Variants in KIF3B observed in about 807,000 individuals in gnomAD.
The protein encoded by KIF3B is kinesin family member 3B.
A neutral mutation model predicts 74.3 loss-of-function variants in KIF3B; 38 were observed. That is an observed-to-expected ratio of 0.51 (90% CI 0.39 to 0.67). The LOEUF (loss-of-function observed/expected upper bound fraction) is 0.67, where lower values mean the gene tolerates loss of function less well. Among genes scored for constraint, KIF3B ranks in the 30% least tolerant of loss-of-function variants. The probability of loss-of-function intolerance (pLI) is 0.00; values close to 1 mark genes in which losing one functional copy is unlikely to be tolerated. For synonymous variants in KIF3B, 326 were observed against 342.5 expected (o/e 0.95, Z 0.53); for missense variants, 649 against 932.0 (o/e 0.70, Z 3.95).
chr20:32,310,590 C>T lies in KIF3B; in HGVS notation c.813C>T (p.Ser271=). 6.2e-7 allele frequency: 1 copy of T among 1,614,158 alleles called. No homozygotes were observed. The highest frequency in any genetic ancestry group is 8.5e-7 in the Non-Finnish European group (1 of 1,180,036). The change falls in exon 2 of 9, where the codon TCC becomes TCT. Residue 271 remains serine (S), a synonymous_variant. Coordinates refer to ENST00000375712, the MANE Select transcript of KIF3B (RefSeq NM_004798.4). The surrounding 1 kb of genome is among the most constrained non-coding windows in gnomAD (Gnocchi z 6.5). ...RLKEATKINL[S]LSALGNVISA... ...AAGAAGCTACCAAGATCAACCTCTC[C>T]CTTTCCGCTTTGGGTAATGTCATCT...
chr20:32,325,639 A>ATC (rs770551783), intron 5 of KIF3B, among the ~76,000 whole-genome samples: 48 of 105,144 alleles, frequency 4.6e-4, no homozygotes, highest in South Asian at 1.1e-3. Context: ...TTTCATTATT[A>ATC]TCTCTCTCTC....
intron 7 of KIF3B, among the ~76,000 whole-genome samples, chr20:32,328,521 G>T (rs527995547): frequency 1.3e-5 from 2 of 151,842 alleles, no homozygotes; most frequent in African/African-American, 4.8e-5. Flanking sequence ...CAGGAGAATC[G>T]CTTGAACCCA....
chr20:32,317,613 TTA>T (rs147464782), intron 5 of KIF3B, among the ~76,000 whole-genome samples: 30 of 148,434 alleles, frequency 2.0e-4, no homozygotes, highest in Admixed American at 2.7e-4. Flanking sequence ...TCCTACATAC[TTA>T]TATATATATA....
intron 7 of KIF3B, among the ~76,000 whole-genome samples, chr20:32,329,587 C>T (rs2047920578): frequency 6.6e-6 from 1 of 152,094 alleles, no homozygotes; most frequent in Non-Finnish European, 1.5e-5. Context: ...TGCATTCAGT[C>T]CTGTTGCTTA....
At chr20:32,285,771 C>A (rs1426513127) in intron 1 of KIF3B, among the ~76,000 whole-genome samples, 1 of 152,204 alleles carries the variant, frequency 6.6e-6, no homozygotes, top group African/African-American at 2.4e-5. Flanking sequence ...TTGGTGACTT[C>A]ATACTGAGCT....
intron 1 of KIF3B, among the ~76,000 whole-genome samples, chr20:32,304,555 C>T (rs1290330346): frequency 2.0e-5 from 3 of 152,120 alleles, no homozygotes. Flanking sequence ...GCAGCAGTGA[C>T]ATAAATTATG....
chr20:32,316,770 T>G lies in KIF3B; in HGVS notation c.1644T>G (p.Leu548=). ...CCTCATTCCAGCTCTTCTCCAAGCT[T>G]CAGGCAGTGAAGGCTGAGATCCATG... The part of the protein sequence containing the change: ...TKKLKKLFSK[L]QAVKAEIHDL... Residue 548 remains leucine (L), a synonymous_variant, in exon 5 of 9, where the codon CTT becomes CTG. Coordinates refer to ENST00000375712, the MANE Select transcript of KIF3B (RefSeq NM_004798.4). The G allele has an allele frequency of 6.2e-7, 1 of 1,613,994 alleles. No individual in the cohort carries two copies. Among genetic ancestry groups the G allele is most frequent in the Non-Finnish European group, 8.5e-7 (1 of 1,179,958 alleles).
rs2047829699 is a variant in KIF3B, at chr20:32,316,762, T to A, written c.1636T>A (p.Ser546Thr). 6.2e-7 allele frequency: 1 copy of A among 1,613,854 alleles called. No individual in the cohort carries two copies. The highest frequency in any genetic ancestry group is 8.5e-7 in the Non-Finnish European group (1 of 1,179,920). Residue 546 changes from serine (S) to threonine (T), a missense_variant, in exon 5 of 9, where the codon TCC (serine) becomes ACC (threonine). This residue lies in a region of KIF3B where 363 missense variants were observed against 592.8 expected (regional missense o/e 0.61). Transcript: ENST00000375712. ...IKTKKLKKLF[S>T]KLQAVKAEIH... ...GCCTCTCCCCTCATTCCAGCTCTTCTCCAAGCTTCAGGCAGTGAAGGCTGA... is the reference window on the plus strand; with the variant it reads ...GCCTCTCCCCTCATTCCAGCTCTTCACCAAGCTTCAGGCAGTGAAGGCTGA...
In KIF3B at chr20:32,310,271, A is replaced by G; in HGVS notation, c.494A>G (p.Glu165Gly). The change falls in exon 2 of 9, where the codon GAG becomes GGG. Residue 165 changes from glutamate to glycine, a missense_variant. Around this residue, in one of 4 missense-constraint regions of KIF3B, gnomAD observed 363 missense variants for 592.8 expected, o/e 0.61. Transcript: ENST00000375712. This position sits in a 1 kb window ranked among gnomAD's most constrained non-coding sequence, Gnocchi z 6.5. Reference sequence around the variant, plus strand: ...TCAAAGGATCAGACCAAAAGGCTTGAGCTCAAAGAGAGGCCTGACACAGGA... The same window carrying G: ...TCAAAGGATCAGACCAAAAGGCTTGGGCTCAAAGAGAGGCCTGACACAGGA... ...LLSKDQTKRLELKERPDTGVY... is the reference protein window; with the variant it reads ...LLSKDQTKRLGLKERPDTGVY... 1 of 1,613,960 alleles carries G rather than the reference A, an allele frequency of 6.2e-7. No homozygotes were observed. The highest frequency in any genetic ancestry group is 8.5e-7 in the Non-Finnish European group (1 of 1,179,958).
Position 32,326,802 on chromosome 20 carries a change from G to T in KIF3B, c.1780G>T (p.Glu594Ter). 1.3e-6 allele frequency: 2 copies of T among 1,562,734 alleles called. No individual in the cohort carries two copies. Among genetic ancestry groups the T allele is most frequent in the Non-Finnish European group, 1.8e-6 (2 of 1,137,112 alleles). ...HLIIENFIPLEEKSKIMNRAF... is the reference protein window; with the variant it reads ...HLIIENFIPL ...TATTATAGAAAACTTTATCCCTCTG[G>T]AAGAAAAAAGTAAAATTATGAATAG... The change falls in exon 6 of 9, where the codon GAA becomes TAA. Residue 594 changes from glutamate (E) to a stop codon, truncating the protein, a stop_gained. Transcript: ENST00000375712. LOFTEE classifies it high-confidence loss of function.
intron 5 of KIF3B, among the ~76,000 whole-genome samples, chr20:32,320,664 T>C (rs1255500693): frequency 6.6e-6 from 1 of 152,012 alleles, no homozygotes; most frequent in Non-Finnish European, 1.5e-5. Flanking sequence ...TTCAGTTGCA[T>C]GCTAGCACAC....
At chr20:32,283,498 C>T (rs765890213) in intron 1 of KIF3B, among the ~76,000 whole-genome samples, 27 of 145,638 alleles carry the variant, frequency 1.9e-4, no homozygotes, top group South Asian at 1.1e-3. Flanking sequence ...AGTGAGACTC[C>T]GTCTCAAAAA....
chr20:32,331,134 A>C, intron 8 of KIF3B, 89 bp from the exon 9 acceptor site: 1 of 973,980 alleles, frequency 1.0e-6, no homozygotes. Context: ...GCCATTGAAG[A>C]ATGGCCTGAA....
intron 1 of KIF3B, among the ~76,000 whole-genome samples, chr20:32,290,474 G>A (rs1349661400): frequency 1.3e-5 from 2 of 152,168 alleles, no homozygotes; most frequent in African/African-American, 4.8e-5. Context: ...ACCTCTGCCT[G>A]TTAAATACAG....
chr20:32,302,575 G>T (rs978658428), intron 1 of KIF3B, among the ~76,000 whole-genome samples: 1 of 152,102 alleles, frequency 6.6e-6, no homozygotes, highest in Admixed American at 6.6e-5. Flanking sequence ...GGACAGCTCC[G>T]CCTTCTCAGA....
In KIF3B at chr20:32,331,524, A is replaced by G; in HGVS notation, c.*205A>G. 1.8e-6 allele frequency: 1 copy of G among 554,710 alleles called. No individual in the cohort carries two copies. Among genetic ancestry groups the G allele is most frequent in the Non-Finnish European group, 3.1e-6 (1 of 318,980 alleles). The allele number at this position is 554,710 out of a possible 1,614,324, so 34.4% of individuals were successfully genotyped here. A position where few individuals can be genotyped will look rare whatever the true frequency, so the allele number is the denominator to read the frequency against. On this transcript the variant is annotated 3_prime_UTR_variant, in exon 9 of 9. Coordinates refer to ENST00000375712, the MANE Select transcript of KIF3B (RefSeq NM_004798.4). ...CAGCCCCTCTGGGAAACATCTTTTA[A>G]TTAGCATCTCAGAAATGCATGGGTA...
At position 32,326,054 on chromosome 20, in the gene KIF3B, C is replaced by A. The variant is rs185001287; in HGVS notation, c.1749-717C>A. Among the ~76,000 whole-genome samples, 139 of 152,144 alleles carry A rather than the reference C, an allele frequency of 9.1e-4. 2 individuals are homozygous for A. The highest frequency in any genetic ancestry group is 1.2e-3 in the Non-Finnish European group (80 of 67,996). ...ACCTCTGTGCTGTTTGCTTTGTGTC[C>A]CTTCCATGTTCATTTCCTTTTGGCA... On this transcript the variant is annotated intron_variant, in intron 5 of 8. Coordinates refer to ENST00000375712, the MANE Select transcript of KIF3B (RefSeq NM_004798.4).
Position 32,316,043 on chromosome 20 carries a change from G to T in KIF3B, c.1405-175G>T, listed in dbSNP as rs114033238. Among the ~76,000 whole-genome samples, 1,450 of 152,210 alleles carry T rather than the reference G, an allele frequency of 9.5e-3. 28 individuals are homozygous for T. The highest frequency in any genetic ancestry group is 0.033 in the African/African-American group (1,364 of 41,516). ...TTACCAAGAAGCCTCTAGTGAAGCT[G>T]CCCCAGTCCCTCACCAGTGATGGAT... On this transcript the variant is annotated intron_variant, in intron 2 of 8. Transcript: ENST00000375712.
intron 1 of KIF3B, among the ~76,000 whole-genome samples, chr20:32,289,592 C>T (rs1232283172): frequency 2.0e-5 from 3 of 152,192 alleles, no homozygotes; most frequent in Non-Finnish European, 4.4e-5. Context: ...AATTTAGTAA[C>T]ATTGTTGTCT....
Sources: gnomAD v4.1 joint callset for allele counts (sites outside exome capture counted in the v4.1 genomes callset) on GRCh38, gnomAD v4.1.1 for gene constraint, gnomAD v4.1.1 regional missense constraint, Gnocchi (gnomAD v3.1) non-coding constraint, MANE v1.5 for transcripts, NCBI Gene and HGNC (gene_info 2026-07-23, HGNC 2026-07-21) for gene names.